Variants in LINGO2 observed in about 807,000 individuals in gnomAD.
The protein encoded by LINGO2 is leucine rich repeat and Ig domain containing 2, also known as leucine-rich repeat and immunoglobulin-like domain-containing nogo receptor-interacting protein 2.
A neutral mutation model predicts 30.6 loss-of-function variants in LINGO2; 14 were observed. That is an observed-to-expected ratio of 0.46 (90% CI 0.30 to 0.72). LINGO2 has a LOEUF of 0.72. Among genes scored for constraint, LINGO2 ranks in the 30% least tolerant of loss-of-function variants. The pLI, the probability that LINGO2 is intolerant of heterozygous loss-of-function variation, is 0.07. For synonymous variants in LINGO2, 317 were observed against 288.5 expected (o/e 1.10, Z -1.00); for missense variants, 729 against 751.7 (o/e 0.97, Z 0.35).
At chr9:28,278,667 A>G (rs990049329) in intron 4 of LINGO2, among the ~76,000 whole-genome samples, 1 of 152,192 alleles carries the variant, frequency 6.6e-6, no homozygotes, top group Admixed American at 6.5e-5. Flanking sequence ...TTCCTTACAA[A>G]ATATTACTGT....
the LINGO2 span, among the ~76,000 whole-genome samples, chr9:28,808,624 C>T: frequency 6.6e-6 from 1 of 152,164 alleles, no homozygotes; most frequent in Non-Finnish European, 1.5e-5. Context: ...ATGTGGCAGA[C>T]TCTCTGGGAT....
the LINGO2 span, among the ~76,000 whole-genome samples, chr9:28,711,066 G>A: frequency 6.6e-6 from 1 of 152,018 alleles, no homozygotes; most frequent in East Asian, 1.9e-4. Flanking sequence ...CCTCATCTCT[G>A]TGTTAATATT....
At chr9:28,881,250 A>G in the LINGO2 span, among the ~76,000 whole-genome samples, 1 of 152,102 alleles carries the variant, frequency 6.6e-6, no homozygotes, top group Non-Finnish European at 1.5e-5. Context: ...CAGCCTCCTG[A>G]GTAGCTGGGA....
intron 5 of LINGO2, among the ~76,000 whole-genome samples, chr9:27,964,353 T>C (rs749137743): frequency 3.3e-5 from 5 of 152,150 alleles, no homozygotes; most frequent in Non-Finnish European, 7.4e-5. Flanking sequence ...CAATTAGCTA[T>C]ATGCTGATTA....
chr9:28,158,780 T>A (rs1828207119), intron 4 of LINGO2, among the ~76,000 whole-genome samples: 1 of 152,162 alleles, frequency 6.6e-6, no homozygotes. Flanking sequence ...AGGATGAGTT[T>A]CACAGGGGAA....
rs907326955 is a variant in LINGO2, at chr9:28,048,012, T to C, written c.-86-35607A>G. Among the ~76,000 whole-genome samples, 2 of 149,862 alleles carry C rather than the reference T, an allele frequency of 1.3e-5. 1 individual carries two copies. Among genetic ancestry groups the C allele is most frequent in the African/African-American group, 5.0e-5 (2 of 40,116 alleles). ...TGTAATAGAAAATAAAAAGAAAAAA[T>C]CTAATCACATTAGACATTAAACTTA... On this transcript the variant is annotated intron_variant, in intron 4 of 5. Coordinates refer to ENST00000379992, the Ensembl canonical transcript of LINGO2.
the LINGO2 span, among the ~76,000 whole-genome samples, chr9:29,067,323 G>T: frequency 2.0e-5 from 3 of 151,596 alleles, no homozygotes. Flanking sequence ...TGCAAGAGAA[G>T]AATGTGGAAA....
the LINGO2 span, among the ~76,000 whole-genome samples, chr9:29,079,414 A>G: frequency 6.6e-6 from 1 of 152,006 alleles, no homozygotes; most frequent in African/African-American, 2.4e-5. Context: ...CTTGTCTATA[A>G]AATAGGTCAG....
chr9:27,986,429 C>T (rs577534318), intron 5 of LINGO2, among the ~76,000 whole-genome samples: 5 of 151,844 alleles, frequency 3.3e-5, no homozygotes, highest in Non-Finnish European at 7.4e-5. Flanking sequence ...CTGTCCACAG[C>T]CATTACAGTA....
intron 2 of LINGO2, among the ~76,000 whole-genome samples, chr9:28,447,802 T>C (rs1824486461): frequency 6.6e-6 from 1 of 152,198 alleles, no homozygotes; most frequent in Non-Finnish European, 1.5e-5. Flanking sequence ...ACTTGCTTGA[T>C]ATAGGAACTC....
intron 1 of LINGO2, among the ~76,000 whole-genome samples, chr9:28,601,391 T>C (rs1299257990): frequency 6.6e-6 from 1 of 152,068 alleles, no homozygotes; most frequent in African/African-American, 2.4e-5. Flanking sequence ...TTATAAAAAC[T>C]TTGGCCAAGT....
At chr9:28,183,632 A>C (rs1435699352) in intron 4 of LINGO2, among the ~76,000 whole-genome samples, 1 of 152,164 alleles carries the variant, frequency 6.6e-6, no homozygotes, top group Non-Finnish European at 1.5e-5. Context: ...CATGAGAGTT[A>C]TACAATGTGA....
At chr9:28,567,507 G>C (rs1436731681) in intron 1 of LINGO2, among the ~76,000 whole-genome samples, 1 of 152,078 alleles carries the variant, frequency 6.6e-6, no homozygotes, top group South Asian at 2.1e-4. Flanking sequence ...AACATGGATG[G>C]AGCTACAGAT....
chr9:29,091,412 T>G, the LINGO2 span, among the ~76,000 whole-genome samples: 1 of 151,736 alleles, frequency 6.6e-6, no homozygotes, highest in East Asian at 1.9e-4. Context: ...AAAAAAATTT[T>G]TTTGCTATTT....
At chr9:28,769,508 ATATATATATATTTTTTTTTTTTTTT>A in the LINGO2 span, among the ~76,000 whole-genome samples, 225 of 2,826 alleles carry the variant, frequency 0.08, 24 homozygotes, top group Non-Finnish European at 0.12. Context: ...ATATATATAT[ATATATATATATTTTTTTTTTTTTTT>A]TTTTTTTTTT....
At chr9:28,243,452 T>C (rs1821877689) in intron 4 of LINGO2, among the ~76,000 whole-genome samples, 1 of 100,952 alleles carries the variant, frequency 9.9e-6, no homozygotes. Flanking sequence ...GGAGAAAGAC[T>C]CTCTCAAAAA....
chr9:28,129,910 A>C lies in LINGO2; in HGVS notation c.-86-117505T>G, dbSNP rs1341950288. Among the ~76,000 whole-genome samples, 2 of 152,242 alleles carry C rather than the reference A, an allele frequency of 1.3e-5. No homozygotes were observed. Among genetic ancestry groups the C allele is most frequent in the African/African-American group, 4.8e-5 (2 of 41,464 alleles). On this transcript the variant is annotated intron_variant, in intron 4 of 5. Transcript: ENST00000379992. The surrounding 1 kb of genome is among the most constrained non-coding windows in gnomAD (Gnocchi z 4.0). The stretch of plus-strand genomic sequence containing the variant: ...TGTTCTTTTTATAGAATGAGAAATA[A>C]CTAAGATCCGTGTTTTGAGCCAGAA...
the LINGO2 span, among the ~76,000 whole-genome samples, chr9:29,190,032 G>GGAGTGA: frequency 7.9e-6 from 1 of 126,512 alleles, no homozygotes; most frequent in African/African-American, 2.9e-5. Context: ...CCGTGGGGAG[G>GGAGTGA]GAGGGAGAGG....
chr9:28,422,090 A>G (rs1451687353), intron 2 of LINGO2, among the ~76,000 whole-genome samples: 1 of 152,122 alleles, frequency 6.6e-6, no homozygotes, highest in East Asian at 1.9e-4. Context: ...TCTTCAGGAC[A>G]TGGGATTTGG....
Sources: gnomAD v4.1 joint callset for allele counts (sites outside exome capture counted in the v4.1 genomes callset) on GRCh38, gnomAD v4.1.1 for gene constraint, Gnocchi (gnomAD v3.1) non-coding constraint, MANE v1.5 for transcripts, NCBI Gene and HGNC (gene_info 2026-07-23, HGNC 2026-07-21) for gene names.